The following AKAP6 variants were observed in gnomAD, a reference collection of about 807,000 sequenced individuals.
AKAP6 encodes A-kinase anchor protein 6.
A neutral mutation model predicts 188.5 loss-of-function variants in AKAP6; 58 were observed. That is an observed-to-expected ratio of 0.31 (90% CI 0.25 to 0.38). AKAP6 has a LOEUF of 0.38. Ranked by LOEUF, AKAP6 falls within the 10% of genes least tolerant of loss-of-function variation. The pLI, the probability that AKAP6 is intolerant of heterozygous loss-of-function variation, is 1.00. For synonymous variants in AKAP6, 989 were observed against 998.6 expected, an observed-to-expected ratio of 0.99 and a Z score of 0.18; for missense variants, 2,710 against 2,740.0, an observed-to-expected ratio of 0.99 and a Z score of 0.24.
At chr14:32,391,529 C>G (rs568568576) in intron 1 of AKAP6, among the ~76,000 whole-genome samples, 9 of 152,290 alleles carry the variant, frequency 5.9e-5, no homozygotes, top group Admixed American at 2.6e-4. Context: ...ATCAGCTCTT[C>G]CCTGACCATT....
chr14:32,414,931 G>A (rs3784187), intron 1 of AKAP6, among the ~76,000 whole-genome samples: 7,322 of 152,146 alleles, frequency 0.048, 229 homozygotes, highest in East Asian at 0.1. Context: ...TGCCTGTTTC[G>A]CTTTAAGCAC....
chr14:32,478,594 A>C (rs1159431333), intron 2 of AKAP6, among the ~76,000 whole-genome samples: 2 of 152,198 alleles, frequency 1.3e-5, no homozygotes, highest in Admixed American at 1.3e-4. Flanking sequence ...ATAATCAGCA[A>C]GGAGAAAACT....
At chr14:32,582,341 G>A (rs1398922514) in intron 5 of AKAP6, among the ~76,000 whole-genome samples, 1 of 151,576 alleles carries the variant, frequency 6.6e-6, no homozygotes, top group Non-Finnish European at 1.5e-5. Flanking sequence ...CTTCTGGCTT[G>A]TAGAGTTTCT....
chr14:32,503,127 T>G (rs1880688814), intron 2 of AKAP6, among the ~76,000 whole-genome samples: 1 of 152,130 alleles, frequency 6.6e-6, no homozygotes, highest in Non-Finnish European at 1.5e-5. Flanking sequence ...TTTTGCTCTG[T>G]GTCTGAAAAT....
chr14:32,698,166 A>G (rs1338948332), intron 9 of AKAP6, among the ~76,000 whole-genome samples: 1 of 152,114 alleles, frequency 6.6e-6, no homozygotes, highest in African/African-American at 2.4e-5. Context: ...TTGACTGAGG[A>G]GTCATGTAGA....
At chr14:32,559,783 C>CTTTTTTTTT (rs35914295) in intron 4 of AKAP6, among the ~76,000 whole-genome samples, 1 of 119,100 alleles carries the variant, frequency 8.4e-6, no homozygotes. Flanking sequence ...TAAGCCTAAT[C>CTTTTTTTTT]TTTTTTTTTT....
At chr14:32,815,795 C>T (rs2034363643) in intron 12 of AKAP6, among the ~76,000 whole-genome samples, 1 of 152,184 alleles carries the variant, frequency 6.6e-6, no homozygotes, top group Non-Finnish European at 1.5e-5. Context: ...GGGCTCTCCC[C>T]TAGGACTTTA....
intron 12 of AKAP6, among the ~76,000 whole-genome samples, chr14:32,819,452 C>T (rs1415845011): frequency 6.6e-6 from 1 of 152,160 alleles, no homozygotes; most frequent in African/African-American, 2.4e-5. Context: ...TTCAACCAGA[C>T]AGTTAAAATA....
chr14:32,639,873 G>A (rs1887681031), intron 7 of AKAP6, among the ~76,000 whole-genome samples: 1 of 152,118 alleles, frequency 6.6e-6, no homozygotes, highest in Non-Finnish European at 1.5e-5. Flanking sequence ...CTGGAAGAGA[G>A]TGCAAGTAGG....
chr14:32,659,502 G>A (rs907596849), intron 7 of AKAP6, among the ~76,000 whole-genome samples: 6 of 152,074 alleles, frequency 3.9e-5, no homozygotes, highest in African/African-American at 1.2e-4. Context: ...GAGTCATCAC[G>A]TGGTGACAGC....
chr14:32,701,149 C>A (rs1478992598), intron 9 of AKAP6, among the ~76,000 whole-genome samples: 1 of 151,968 alleles, frequency 6.6e-6, no homozygotes, highest in Admixed American at 6.6e-5. Flanking sequence ...TACATTTTTA[C>A]CCTGCTATGA....
chr14:32,379,434 G>A (rs1888272391), intron 1 of AKAP6, among the ~76,000 whole-genome samples: 1 of 152,146 alleles, frequency 6.6e-6, no homozygotes. Flanking sequence ...GAGCCAGGAA[G>A]CCTGAGATAG....
At chr14:32,491,275 T>C (rs1409329154) in intron 2 of AKAP6, among the ~76,000 whole-genome samples, 1 of 152,218 alleles carries the variant, frequency 6.6e-6, no homozygotes, top group Admixed American at 6.5e-5. Context: ...TACGTCTATT[T>C]TATCTCCCAA....
At chr14:32,719,526 G>T (rs543869848) in intron 9 of AKAP6, among the ~76,000 whole-genome samples, 1 of 152,254 alleles carries the variant, frequency 6.6e-6, no homozygotes, top group African/African-American at 2.4e-5. Flanking sequence ...CAGAGAGAAA[G>T]CAAGATATCT....
At chr14:32,334,276 G>A (rs1363393835) in intron 1 of AKAP6, among the ~76,000 whole-genome samples, 1 of 152,146 alleles carries the variant, frequency 6.6e-6, no homozygotes, top group Admixed American at 6.6e-5. Context: ...TTTAAATTAT[G>A]CGCTGTTCTG....
intron 1 of AKAP6, among the ~76,000 whole-genome samples, chr14:32,386,510 C>T (rs1888541791): frequency 6.6e-6 from 1 of 152,028 alleles, no homozygotes; most frequent in Non-Finnish European, 1.5e-5. Context: ...TATTAGTCCA[C>T]AGTCAGATGT....
In AKAP6 at chr14:32,824,245, G is replaced by T. The variant is rs755490841; in HGVS notation, c.6432G>T (p.Ser2144=). 5.0e-6 allele frequency: 8 copies of T among 1,613,892 alleles called. No individual in the cohort carries two copies. The highest frequency in any genetic ancestry group is 5.9e-6 in the Non-Finnish European group (7 of 1,179,940). Residue 2144 remains serine (S), a synonymous_variant, in exon 13 of 14, where the codon TCG becomes TCT. Coordinates refer to ENST00000280979, the MANE Select transcript of AKAP6 (RefSeq NM_004274.5). ...CATTGCCACTAGACACCACTGACTC[G>T]GGCTTAGATGACAAGGAAGATATTG... ...STPLPLDTTD[S]GLDDKEDIEC...
chr14:32,480,847 C>T (rs1488636200), intron 2 of AKAP6, among the ~76,000 whole-genome samples: 1 of 152,120 alleles, frequency 6.6e-6, no homozygotes, highest in Non-Finnish European at 1.5e-5. Flanking sequence ...AGTTGGTTTT[C>T]TTGTTGCTTC....
chr14:32,440,586 C>A (rs896872899), intron 2 of AKAP6, among the ~76,000 whole-genome samples: 21 of 152,096 alleles, frequency 1.4e-4, no homozygotes, highest in Non-Finnish European at 2.1e-4. Context: ...TTAGGCCATT[C>A]CCAACTTTCT....
Sources: gnomAD v4.1 joint callset for allele counts (sites outside exome capture counted in the v4.1 genomes callset) on GRCh38, gnomAD v4.1.1 for gene constraint, MANE v1.5 for transcripts, NCBI Gene and HGNC (gene_info 2026-07-23, HGNC 2026-07-21) for gene names.